HEG1: variants seen among roughly 807,000 people sequenced by gnomAD.
The protein encoded by HEG1 is protein HEG homolog 1.
A neutral mutation model predicts 125.6 loss-of-function variants in HEG1; 56 were observed. That is an observed-to-expected ratio of 0.45 (90% confidence interval 0.36 to 0.56). The LOEUF (loss-of-function observed/expected upper bound fraction) is 0.56. Among genes scored for constraint, HEG1 ranks in the 20% least tolerant of loss-of-function variants. HEG1 has a pLI of 0.00. For synonymous variants in HEG1, 644 were observed against 668.5 expected (o/e 0.96, Z 0.57); for missense variants, 1,523 against 1,670.0 (o/e 0.91, Z 1.53).
At chr3:124,987,415 T>C (rs1394752651) in intron 14 of HEG1, among the ~76,000 whole-genome samples, 1 of 152,110 alleles carries the variant, frequency 6.6e-6, no homozygotes, top group East Asian at 1.9e-4. Context: ...TGGCTCTCTC[T>C]TTCTCTGCCA....
In HEG1 at chr3:124,991,005, A is replaced by T; in HGVS notation, c.3653-19T>A. On this transcript the variant is annotated intron_variant, in intron 12 of 16. Transcript: ENST00000311127. The stretch of plus-strand genomic sequence containing the variant: ...TCACATGCTGAAAGACAAAAGGAAA[A>T]TGCATGAGTGTGTCTATTTACCTCT... The T allele has an allele frequency of 6.5e-7, 1 of 1,549,682 alleles. No individual in the cohort carries two copies. The highest frequency in any genetic ancestry group is 8.7e-7 in the Non-Finnish European group (1 of 1,144,300).
chr3:124,996,566 A>G (rs1225848413), intron 12 of HEG1, among the ~76,000 whole-genome samples: 1 of 152,162 alleles, frequency 6.6e-6, no homozygotes, highest in Non-Finnish European at 1.5e-5. Flanking sequence ...TTCAAAACCC[A>G]TCACAGGTCC....
chr3:124,992,910 A>G (rs1035920055), intron 12 of HEG1, among the ~76,000 whole-genome samples: 1 of 152,190 alleles, frequency 6.6e-6, no homozygotes, highest in Non-Finnish European at 1.5e-5. Flanking sequence ...ATTCTCTTGT[A>G]TTAAGGGCTT....
chr3:124,981,152 T>G (rs1018838798), intron 14 of HEG1, among the ~76,000 whole-genome samples: 14 of 151,762 alleles, frequency 9.2e-5, no homozygotes, highest in African/African-American at 3.4e-4. Context: ...ATATTCTTTT[T>G]AAATAAAGAA....
chr3:124,972,630 G>A (rs1307781521), intron 16 of HEG1, among the ~76,000 whole-genome samples: 2 of 152,176 alleles, frequency 1.3e-5, no homozygotes, highest in Non-Finnish European at 2.9e-5. Context: ...TCCCCATGGG[G>A]CAAGGTTTCA....
In HEG1 at chr3:124,968,401, GCCT is replaced by G. The variant is rs1382125183; in HGVS notation, c.*2248_*2250del. 6.6e-6 allele frequency: 1 copy of G among 152,240 alleles called. No homozygotes were observed. The highest frequency in any genetic ancestry group is 6.5e-5 in the Admixed American group (1 of 15,280). 9.4% of individuals were successfully genotyped at this position (152,240 alleles called of 1,614,324 possible). On this transcript the variant is annotated 3_prime_UTR_variant, in exon 17 of 17. Transcript: ENST00000311127. ...ACTGTGTGACCTCAACCTTGTGGGT[GCCT>G]CCTTTTTTTCTCAGTTAGAACAACA...
At chr3:124,988,683 C>T (rs1936783422) in intron 14 of HEG1, among the ~76,000 whole-genome samples, 1 of 152,156 alleles carries the variant, frequency 6.6e-6, no homozygotes, top group Admixed American at 6.5e-5. Flanking sequence ...CTTTGGGAGG[C>T]CGAGGTGGGC....
At chr3:125,030,711 A>G (rs1164664267) in intron 1 of HEG1, among the ~76,000 whole-genome samples, 1 of 152,218 alleles carries the variant, frequency 6.6e-6, no homozygotes, top group East Asian at 1.9e-4. Flanking sequence ...AAAGATGAAG[A>G]CAGGTCCTCT....
At position 125,055,726 on chromosome 3, in the gene HEG1, C is replaced by T; in HGVS notation, c.165G>A (p.Gln55=). The change falls in exon 1 of 17, where the codon CAG becomes CAA. Residue 55 remains glutamine (Q), a synonymous_variant. Transcript: ENST00000311127. The part of the protein sequence containing the change: ...APLAGAGLEL[Q]LERRPEREPP... ...GCTCGCGCTCCGGGCGGCGCTCCAG[C>T]TGCAGCTCCAGCCCCGCTCCCGCGA... The T allele has an allele frequency of 9.5e-6, 10 of 1,050,084 alleles. No individual in the cohort carries two copies. The highest frequency in any genetic ancestry group is 1.0e-5 in the Non-Finnish European group (9 of 873,776). The allele number at this position is 1,050,084 out of a possible 1,614,324, so 65.0% of individuals were successfully genotyped here. A position where few individuals can be genotyped will look rare whatever the true frequency, so the allele number is the denominator to read the frequency against.
At chr3:124,995,232 A>C (rs1936902391) in intron 12 of HEG1, among the ~76,000 whole-genome samples, 1 of 152,096 alleles carries the variant, frequency 6.6e-6, no homozygotes, top group Non-Finnish European at 1.5e-5. Context: ...CCAGGAGGTC[A>C]AGGCTGCAGT....
chr3:125,024,418 T>A (rs1322442159), intron 3 of HEG1, among the ~76,000 whole-genome samples: 1 of 152,204 alleles, frequency 6.6e-6, no homozygotes, highest in African/African-American at 2.4e-5. Context: ...CAATTCAACA[T>A]ACACATATCT....
chr3:124,970,636 C>T lies in HEG1; in HGVS notation c.*16G>A. On this transcript the variant is annotated 3_prime_UTR_variant, in exon 17 of 17. Transcript: ENST00000311127. Reference sequence around the variant, plus strand: ...GGTGACTGGCTCAGAGCAATGAGTCCCTCTCTCTCCTGGACTTAAAAGTAG... The same window carrying T: ...GGTGACTGGCTCAGAGCAATGAGTCTCTCTCTCTCCTGGACTTAAAAGTAG... 6.3e-7 allele frequency: 1 copy of T among 1,585,276 alleles called. No individual in the cohort carries two copies. Among genetic ancestry groups the T allele is most frequent in the Non-Finnish European group, 8.6e-7 (1 of 1,164,760 alleles).
At chr3:125,049,406 T>C (rs903472842) in intron 1 of HEG1, among the ~76,000 whole-genome samples, 4 of 152,170 alleles carry the variant, frequency 2.6e-5, no homozygotes, top group African/African-American at 9.6e-5. Context: ...CCACCATCCA[T>C]ACTGGATGTT....
At position 125,019,496 on chromosome 3, in the gene HEG1, C is replaced by T. The variant is rs1327321919; in HGVS notation, c.1354G>A (p.Gly452Arg). 2.5e-6 allele frequency: 4 copies of T among 1,613,898 alleles called. No individual in the cohort carries two copies. Among genetic ancestry groups the T allele is most frequent in the Non-Finnish European group, 3.4e-6 (4 of 1,179,908 alleles). The change falls in exon 5 of 17, where the codon GGA (glycine) becomes AGA (arginine). Residue 452 changes from glycine (G) to arginine (R), a missense_variant. Physicochemically the swap from Gly to Arg is moderately radical, Grantham distance 125. Transcript: ENST00000311127. ...AAGAGCCAGTGTGCAGTGATCTCTC[C>T]ACCTCTCATGGGTGCGACTGACCTA... ...VSRSVAPMRGGEITAHWLLTN... is the reference protein window; with the variant it reads ...VSRSVAPMRGREITAHWLLTN...
chr3:124,982,520 G>A (rs1936672716), intron 14 of HEG1, among the ~76,000 whole-genome samples: 1 of 152,186 alleles, frequency 6.6e-6, no homozygotes, highest in Non-Finnish European at 1.5e-5. Flanking sequence ...CTTTCTTCTT[G>A]GCATTTGTTG....
intron 1 of HEG1, among the ~76,000 whole-genome samples, chr3:125,055,258 G>C (rs1169703564): frequency 6.6e-6 from 1 of 152,206 alleles, no homozygotes; most frequent in Non-Finnish European, 1.5e-5. Context: ...GGAGGTGGGA[G>C]AGATGCTTTG....
At chr3:125,046,029 T>C (rs1295337164) in intron 1 of HEG1, among the ~76,000 whole-genome samples, 3 of 152,160 alleles carry the variant, frequency 2.0e-5, no homozygotes, top group African/African-American at 7.2e-5. Flanking sequence ...AAGTCTTTAT[T>C]ATCCTCATTT....
At chr3:125,043,574 T>C (rs1937618945) in intron 1 of HEG1, among the ~76,000 whole-genome samples, 1 of 152,148 alleles carries the variant, frequency 6.6e-6, no homozygotes, top group Non-Finnish European at 1.5e-5. Flanking sequence ...TCCATTTTCT[T>C]TGCCCCTCTC....
chr3:125,015,881 T>TG (rs1336496140), intron 5 of HEG1, among the ~76,000 whole-genome samples: 1 of 152,216 alleles, frequency 6.6e-6, no homozygotes. Context: ...GCCATGGCCA[T>TG]GCTTTGATGG....
Sources: gnomAD v4.1 joint callset for allele counts (sites outside exome capture counted in the v4.1 genomes callset) on GRCh38, gnomAD v4.1.1 for gene constraint, MANE v1.5 for transcripts, NCBI Gene and HGNC (gene_info 2026-07-23, HGNC 2026-07-21) for gene names.